DST: variants seen among roughly 807,000 people sequenced by gnomAD.
DST encodes dystonin.
A neutral mutation model predicts 875.2 loss-of-function variants in DST; 253 were observed. That is an observed-to-expected ratio of 0.29 (90% CI 0.26 to 0.32). DST has a LOEUF of 0.32. DST is among the 10% of genes least tolerant of loss of function. The pLI is 1.00. For synonymous variants in DST, 3,124 were observed against 3,197.1 expected (o/e 0.98, Z 0.77); for missense variants, 8,287 against 9,111.6 (o/e 0.91, Z 3.68).
intron 4 of DST, among the ~76,000 whole-genome samples, chr6:56,836,439 T>G (rs996655216): frequency 6.6e-6 from 1 of 152,238 alleles, no homozygotes; most frequent in East Asian, 1.9e-4. Context: ...TAAATTAAAA[T>G]TTAAGGCTTA....
At chr6:56,747,241 T>G (rs1563985219) in intron 4 of DST, among the ~76,000 whole-genome samples, 2 of 152,226 alleles carry the variant, frequency 1.3e-5, no homozygotes, top group African/African-American at 2.4e-5. Flanking sequence ...TAAGCTGAGA[T>G]GTAAACTACA....
chr6:56,529,453 G>C lies in DST; in HGVS notation c.17590C>G (p.Leu5864Val). 1 of 1,486,180 alleles carries C rather than the reference G, an allele frequency of 6.7e-7. No individual in the cohort carries two copies. The highest frequency in any genetic ancestry group is 8.9e-7 in the Non-Finnish European group (1 of 1,118,122). 92.1% of individuals were successfully genotyped at this position (1,486,180 alleles called of 1,614,324 possible). ...TEGLWKQQSE[L>V]RVLQEDILLR... ...AATAAAATAAATCAAAATACCCGAAGTTCAGACTGCTGCTTCCATAGCCCC... is the reference window on the plus strand; with the variant it reads ...AATAAAATAAATCAAAATACCCGAACTTCAGACTGCTGCTTCCATAGCCCC... Residue 5864 changes from leucine to valine, a missense_variant, in exon 66 of 104, where the codon CTT (leucine) becomes GTT (valine). This residue lies in a region of DST where 777 missense variants were observed against 764.8 expected (regional missense o/e 1.02). Transcript: ENST00000680361.
chr6:56,853,981 G>T (rs1044208522), intron 3 of DST, among the ~76,000 whole-genome samples: 16 of 152,028 alleles, frequency 1.1e-4, no homozygotes, highest in Admixed American at 2.0e-4. Flanking sequence ...TCTCTCCCAG[G>T]CTACATGATC....
At chr6:56,739,090 A>G (rs2099537030) in intron 4 of DST, among the ~76,000 whole-genome samples, 1 of 148,358 alleles carries the variant, frequency 6.7e-6, no homozygotes, top group Non-Finnish European at 1.5e-5. Flanking sequence ...TACCTCATTC[A>G]TCTTTGTCTA....
rs748514288 is a variant in DST at position 56,632,841 on chromosome 6, C to A, written c.3805+13G>T. The A allele has an allele frequency of 6.2e-7, 1 of 1,611,596 alleles. No homozygotes were observed. Among genetic ancestry groups the A allele is most frequent in the Non-Finnish European group, 8.5e-7 (1 of 1,178,370 alleles). On this transcript the variant is annotated intron_variant, in intron 28 of 103. Coordinates refer to ENST00000680361, the MANE Select transcript of DST (RefSeq NM_001374736.1). ...CCTATGGGGAAAAAAAGACAGGGAT[C>A]CCCATGCTTTACCTCTTTCTGCAGA...
intron 69 of DST, among the ~76,000 whole-genome samples, chr6:56,519,734 G>GGATA (rs145492612): frequency 0.026 from 3,842 of 149,252 alleles, 73 homozygotes; most frequent in Non-Finnish European, 0.043. Context: ...TTGGGAACCT[G>GGATA]GACTTCTATC....
intron 10 of DST, among the ~76,000 whole-genome samples, chr6:56,668,450 TGGCTCACGCAGCC>T (rs1408274132): frequency 6.6e-6 from 1 of 152,138 alleles, no homozygotes; most frequent in East Asian, 1.9e-4. Flanking sequence ...CCAGGCATGG[TGGCTCACGCAGCC>T]AAGCACGGTG....
intron 9 of DST, among the ~76,000 whole-genome samples, chr6:56,697,515 A>T (rs897768701): frequency 6.6e-6 from 1 of 152,260 alleles, no homozygotes; most frequent in Non-Finnish European, 1.5e-5. Flanking sequence ...ATTTATGGAC[A>T]GAAAATGGAA....
chr6:56,585,571 G>A (rs945435636), intron 49 of DST, among the ~76,000 whole-genome samples: 3 of 151,936 alleles, frequency 2.0e-5, no homozygotes, highest in Admixed American at 6.6e-5. Flanking sequence ...ATCTTTTGAA[G>A]GGTTCTTTGT....
At chr6:56,516,805 G>T (rs11757833) in intron 71 of DST, among the ~76,000 whole-genome samples, 1 of 152,102 alleles carries the variant, frequency 6.6e-6, no homozygotes, top group South Asian at 2.1e-4. Context: ...GCATTAGAGA[G>T]AGCCACATAT....
chr6:56,554,958 T>C (rs1034558752), intron 60 of DST, among the ~76,000 whole-genome samples: 1 of 152,208 alleles, frequency 6.6e-6, no homozygotes, highest in East Asian at 1.9e-4. Context: ...AAGTTTTCTA[T>C]GACAGAATAG....
chr6:56,779,873 C>G (rs148712226), intron 4 of DST, among the ~76,000 whole-genome samples: 1 of 110,388 alleles, frequency 9.1e-6, no homozygotes, highest in South Asian at 4.1e-4. Flanking sequence ...TATCCCTCCC[C>G]CCTCCCCCCA....
intron 2 of DST, among the ~76,000 whole-genome samples, chr6:56,928,287 T>C (rs1235932579): frequency 1.3e-5 from 2 of 152,304 alleles, no homozygotes; most frequent in Admixed American, 6.5e-5. Flanking sequence ...GTACCTCGTA[T>C]TGGCAGAGCC....
chr6:56,610,406 T>A (rs551191759), intron 39 of DST, 21 bp downstream of exon 39: 2 of 1,520,708 alleles, frequency 1.3e-6, no homozygotes, highest in Admixed American at 2.2e-5. Flanking sequence ...AACAGCCTCA[T>A]GTTTAAATAA....
intron 73 of DST, 26 bp from the exon 74 acceptor site, chr6:56,509,899 T>G: frequency 6.6e-7 from 1 of 1,523,510 alleles, no homozygotes; most frequent in Non-Finnish European, 8.9e-7. Context: ...AGAGATCTTT[T>G]ATGGAAAAAA....
In DST at chr6:56,851,545, C is replaced by T; in HGVS notation, c.477G>A (p.Glu159=). The change falls in exon 4 of 104, where the codon GAG becomes GAA. Residue 159 remains glutamate, a synonymous_variant. Transcript: ENST00000680361. The stretch of plus-strand genomic sequence containing the variant: ...AGCCAGATTTCTGGCTGAAATCATC[C>T]TCATCGGAAAAATCCGCAGAGGAAG... ...SMSSSADFSD[E]DDFSQKSGSA... 6.2e-7 allele frequency: 1 copy of T among 1,614,022 alleles called. No individual in the cohort carries two copies. The highest frequency in any genetic ancestry group is 8.5e-7 in the Non-Finnish European group (1 of 1,179,890).
At chr6:56,716,008 C>T (rs1271736206) in intron 5 of DST, among the ~76,000 whole-genome samples, 1 of 152,088 alleles carries the variant, frequency 6.6e-6, no homozygotes, top group Non-Finnish European at 1.5e-5. Context: ...ATCTGTATGC[C>T]TTTTTCTCCT....
chr6:56,568,709 G>T, intron 54 of DST, 114 bp from the exon 55 acceptor site: 1 of 953,878 alleles, frequency 1.0e-6, no homozygotes, highest in Non-Finnish European at 1.5e-6. Flanking sequence ...CCTGATTTGT[G>T]AGGGAGTCGA....
chr6:56,937,582 T>TA (rs924998309), intron 2 of DST, among the ~76,000 whole-genome samples: 2 of 152,160 alleles, frequency 1.3e-5, no homozygotes, highest in African/African-American at 2.4e-5. Flanking sequence ...TACAGCCATT[T>TA]AAAAAAACAA....
Sources: gnomAD v4.1 joint callset for allele counts (sites outside exome capture counted in the v4.1 genomes callset) on GRCh38, gnomAD v4.1.1 for gene constraint, gnomAD v4.1.1 regional missense constraint, MANE v1.5 for transcripts, NCBI Gene and HGNC (gene_info 2026-07-23, HGNC 2026-07-21) for gene names.